PCDHGA6: variants seen among roughly 807,000 people sequenced by gnomAD.
The protein encoded by PCDHGA6 is protocadherin gamma-A6.
PCDHGA6 carries 41 observed loss-of-function variants against 60.6 expected under a neutral mutation model. The observed-to-expected ratio is 0.68, with a 90% CI of 0.53 to 0.88. The LOEUF (loss-of-function observed/expected upper bound fraction) is 0.88, where lower values mean the gene tolerates loss of function less well. Among genes scored for constraint, PCDHGA6 ranks in the 40% least tolerant of loss-of-function variants. The pLI, the probability that PCDHGA6 is intolerant of heterozygous loss-of-function variation, is 0.00. For synonymous variants in PCDHGA6, 594 were observed against 524.4 expected, an observed-to-expected ratio of 1.13 and a Z score of -1.81; for missense variants, 1,312 against 1,203.0, an observed-to-expected ratio of 1.09 and a Z score of -1.34.
rs748462670 is a variant in PCDHGA6, at chr5:141,478,010, C to T, written c.2425-16797C>T. Reference sequence around the variant, plus strand: ...GCACACTGGTCAAATCAGTACTGCCCGTCCAGTCCAAGACACAGATTCACC... The same window carrying T: ...GCACACTGGTCAAATCAGTACTGCCTGTCCAGTCCAAGACACAGATTCACC... On this transcript the variant is annotated intron_variant, in intron 1 of 3. Coordinates refer to ENST00000517434, the MANE Select transcript of PCDHGA6 (RefSeq NM_018919.3). 9 of 1,614,008 alleles carry T rather than the reference C, an allele frequency of 5.6e-6. No homozygotes were observed. The highest frequency in any genetic ancestry group is 1.7e-5 in the Admixed American group (1 of 59,998).
rs776550132 is a variant in PCDHGA6, at chr5:141,394,056, G to A, written c.2424+17549G>A. 6 of 1,613,616 alleles carry A rather than the reference G, an allele frequency of 3.7e-6. No homozygotes were observed. The African/African-American group carries it at 5.3e-5, about 14-fold the overall frequency. On this transcript the variant is annotated intron_variant, in intron 1 of 3. Coordinates refer to ENST00000517434, the MANE Select transcript of PCDHGA6 (RefSeq NM_018919.3). ...AAGGAAATATTTGGACCGAGAAAAT[G>A]TCTCTATCTACAATATCACAGTGAT...
In PCDHGA6 at chr5:141,486,077, C is replaced by T; in HGVS notation, c.2425-8730C>T. 6.2e-7 allele frequency: 1 copy of T among 1,614,186 alleles called. No individual in the cohort carries two copies. The highest frequency in any genetic ancestry group is 8.5e-7 in the Non-Finnish European group (1 of 1,180,024). ...TAGCCTGCACCCCACTACTGGAAAG[C>T]TTACTCTTTTGGGGCCCCTAGACTT... On this transcript the variant is annotated intron_variant, in intron 1 of 3. Coordinates refer to ENST00000517434, the MANE Select transcript of PCDHGA6 (RefSeq NM_018919.3). The surrounding 1 kb of genome is among the most constrained non-coding windows in gnomAD (Gnocchi z 5.0).
chr5:141,380,771 A>G (rs1337028514), intron 1 of PCDHGA6, among the ~76,000 whole-genome samples: 1 of 152,198 alleles, frequency 6.6e-6, no homozygotes, highest in Non-Finnish European at 1.5e-5. Context: ...ATTAATTGAG[A>G]CTTTTTTAAA....
intron 1 of PCDHGA6, chr5:141,415,814 T>G: frequency 7.5e-7 from 1 of 1,330,430 alleles, no homozygotes; most frequent in South Asian, 1.8e-5. Flanking sequence ...AAGGCCTATA[T>G]ATCATAAGGC....
intron 1 of PCDHGA6, chr5:141,399,780 A>C (rs1444494014): frequency 6.2e-7 from 1 of 1,613,170 alleles, no homozygotes; most frequent in Non-Finnish European, 8.5e-7. Flanking sequence ...TGGGCGACCG[A>C]AACGACAACG....
chr5:141,414,938 C>G (rs1407853248), intron 1 of PCDHGA6: 1 of 1,614,116 alleles, frequency 6.2e-7, no homozygotes, highest in Admixed American at 1.7e-5. Flanking sequence ...TCCGCAGAGC[C>G]CGGCTACCTG....
At chr5:141,447,433 C>T (rs756021616) in intron 1 of PCDHGA6, among the ~76,000 whole-genome samples, 5 of 152,118 alleles carry the variant, frequency 3.3e-5, no homozygotes, top group African/African-American at 7.2e-5. Context: ...CCACCGCACC[C>T]GGAGGAAATT....
Position 141,409,638 on chromosome 5 carries a change from C to T in PCDHGA6, c.2424+33131C>T, listed in dbSNP as rs1040366842. The T allele has an allele frequency of 3.1e-6, 5 of 1,613,648 alleles. No homozygotes were observed. The highest frequency in any genetic ancestry group is 1.7e-5 in the Admixed American group (1 of 60,006). ...ATTGCGCAAGTGAGCGCCTCTGACC[C>T]GGATTTGGGGCTCAATGGCCACATC... On this transcript the variant is annotated intron_variant, in intron 1 of 3. Coordinates refer to ENST00000517434, the MANE Select transcript of PCDHGA6 (RefSeq NM_018919.3).
intron 3 of PCDHGA6, among the ~76,000 whole-genome samples, chr5:141,510,194 G>T (rs920127442): frequency 6.6e-6 from 1 of 151,462 alleles, no homozygotes. Context: ...AATCACTTGA[G>T]CCCAGGAGGC....
At chr5:141,379,378 A>G (rs1775559732) in intron 1 of PCDHGA6, 1 of 152,234 alleles carries the variant, frequency 6.6e-6, no homozygotes, top group African/African-American at 2.4e-5. Flanking sequence ...TTGATAAAAT[A>G]ACAATTTTAA....
chr5:141,493,641 G>A lies in PCDHGA6; in HGVS notation c.2425-1166G>A, dbSNP rs547664603. Among the ~76,000 whole-genome samples, 2 of 152,240 alleles carry A rather than the reference G, an allele frequency of 1.3e-5. No individual in the cohort carries two copies. The highest frequency in any genetic ancestry group is 3.9e-4 in the East Asian group (2 of 5,172). On this transcript the variant is annotated intron_variant, in intron 1 of 3. Coordinates refer to ENST00000517434, the MANE Select transcript of PCDHGA6 (RefSeq NM_018919.3). The surrounding 1 kb of genome is among the most constrained non-coding windows in gnomAD (Gnocchi z 4.3). The stretch of plus-strand genomic sequence containing the variant: ...CTAAGAATACAGTGGCTGAGGGCTG[G>A]CCATCCCTGTGCCCTTCTCCATGGC...
chr5:141,385,314 A>T, intron 1 of PCDHGA6: 1 of 1,611,588 alleles, frequency 6.2e-7, no homozygotes. Context: ...AAAACCTGCC[A>T]AGTATTCAGG....
rs1319222603 is a variant in PCDHGA6 at position 141,438,686 on chromosome 5, A to G, written c.2425-56121A>G. Among the ~76,000 whole-genome samples the G allele has an allele frequency of 2.8e-5, 4 of 140,922 alleles. No homozygotes were observed. The Admixed American group carries it at 2.9e-4, about 10-fold the overall frequency. 92.5% of individuals were successfully genotyped at this position (140,922 alleles called of 152,430 possible). On this transcript the variant is annotated intron_variant, in intron 1 of 3. Transcript: ENST00000517434. ...TATATATATTTGGAGTAGGGGATGGAGTCTTGCTCTGTCACCCAGGCTGGA... is the reference window on the plus strand; with the variant it reads ...TATATATATTTGGAGTAGGGGATGGGGTCTTGCTCTGTCACCCAGGCTGGA...
chr5:141,487,803 A>G lies in PCDHGA6; in HGVS notation c.2425-7004A>G. On this transcript the variant is annotated intron_variant, in intron 1 of 3. Transcript: ENST00000517434. The surrounding 1 kb of genome is among the most constrained non-coding windows in gnomAD (Gnocchi z 5.0). ...TTCGTGAATTAACCAGAGTTGTCAC[A>G]GTTTAGCATTGGGGGCGGGTCATGC... 2.0e-6 allele frequency: 3 copies of G among 1,466,166 alleles called. No individual in the cohort carries two copies. The highest frequency in any genetic ancestry group is 2.8e-6 in the Non-Finnish European group (3 of 1,084,448). The allele number at this position is 1,466,166 out of a possible 1,614,324, so 90.8% of individuals were successfully genotyped here. A position where few individuals can be genotyped will look rare whatever the true frequency, so the allele number is the denominator to read the frequency against.
Position 141,509,375 on chromosome 5 carries a change from T to C in PCDHGA6, c.2573-1572T>C, listed in dbSNP as rs1450730489. Among the ~76,000 whole-genome samples, 6 of 152,168 alleles carry C rather than the reference T, an allele frequency of 3.9e-5. No homozygotes were observed. In the East Asian group the frequency reaches 1.2e-3, roughly 29 times the overall value. On this transcript the variant is annotated intron_variant, in intron 3 of 3. Coordinates refer to ENST00000517434, the MANE Select transcript of PCDHGA6 (RefSeq NM_018919.3). ...GGGCATCCCTGAGGTTTTAACTGTC[T>C]CCTAACCACAGAGGATCTCAGGGCC...
chr5:141,374,030 T>C lies in PCDHGA6; in HGVS notation c.-54T>C, dbSNP rs1023437506. 2.8e-6 allele frequency: 4 copies of C among 1,430,336 alleles called. No individual in the cohort carries two copies. The highest frequency in any genetic ancestry group is 1.4e-5 in the African/African-American group (1 of 69,818). 88.6% of individuals were successfully genotyped at this position (1,430,336 alleles called of 1,614,324 possible). A position where few individuals can be genotyped will look rare whatever the true frequency, so the allele number is the denominator to read the frequency against. ...CTATTTCTGAGAAGAGCAAAAGTGA[T>C]GCAGATCTGTTCTTCCTCTTCTTAA... On this transcript the variant is annotated 5_prime_UTR_variant, in exon 1 of 4. The change abolishes an upstream ATG in the 5' untranslated region. Coordinates refer to ENST00000517434, the MANE Select transcript of PCDHGA6 (RefSeq NM_018919.3).
In PCDHGA6 at chr5:141,491,419, G is replaced by A. The variant is rs1422517367; in HGVS notation, c.2425-3388G>A. On this transcript the variant is annotated intron_variant, in intron 1 of 3. Coordinates refer to ENST00000517434, the MANE Select transcript of PCDHGA6 (RefSeq NM_018919.3). This position sits in a 1 kb window ranked among gnomAD's most constrained non-coding sequence, Gnocchi z 6.9. ...GGGAAACGCAGACGGGGACGGGGGT[G>A]GAGGGCAGTGCTGCAGGCGCCAGGA... 1 of 1,614,124 alleles carries A rather than the reference G, an allele frequency of 6.2e-7. No individual in the cohort carries two copies.
chr5:141,413,559 T>A, intron 1 of PCDHGA6: 1 of 1,613,862 alleles, frequency 6.2e-7, no homozygotes. Flanking sequence ...TAGAAGTAAC[T>A]GATATCAATG....
chr5:141,422,043 G>A (rs1307532347), intron 1 of PCDHGA6: 13 of 1,611,504 alleles, frequency 8.1e-6, no homozygotes, highest in African/African-American at 1.3e-5. Flanking sequence ...ATCCAGACGA[G>A]GGAATCAACG....
Sources: allele counts gnomAD v4.1 joint callset (sites outside exome capture counted in the v4.1 genomes callset), GRCh38; gene constraint gnomAD v4.1.1; non-coding constraint Gnocchi (gnomAD v3.1); transcripts MANE v1.5; gene names NCBI Gene and HGNC (gene_info 2026-07-23, HGNC 2026-07-21).